Variants in TASP1 observed in about 807,000 individuals in gnomAD.
TASP1 encodes the protein taspase 1.
TASP1 carries 16 observed loss-of-function variants against 56.6 expected under a neutral mutation model. The observed-to-expected ratio is 0.28, with a 90% CI of 0.19 to 0.43. The LOEUF is 0.43. Ranked by LOEUF, TASP1 falls within the 20% of genes least tolerant of loss-of-function variation. TASP1 has a pLI of 1.00. For missense variants in TASP1, 393 were observed against 511.6 expected (o/e 0.77, Z 2.24); for synonymous variants, 179 against 184.2 (o/e 0.97, Z 0.23).
At chr20:13,392,790 C>T (rs1356999557) in intron 13 of TASP1, 8 of 616,600 alleles carry the variant, frequency 1.3e-5, no homozygotes, top group South Asian at 4.1e-5. Context: ...CCTTCCTTGA[C>T]CTCAACTACA....
chr20:13,616,266 C>T (rs922261306), intron 4 of TASP1, among the ~76,000 whole-genome samples: 11 of 152,134 alleles, frequency 7.2e-5, no homozygotes, highest in African/African-American at 7.2e-5. Flanking sequence ...AACTACACCA[C>T]GCTACCATAT....
intron 5 of TASP1, among the ~76,000 whole-genome samples, chr20:13,583,411 T>C (rs1039442964): frequency 6.6e-6 from 1 of 152,248 alleles, no homozygotes; most frequent in African/African-American, 2.4e-5. Context: ...CCAAACGTGT[T>C]CTTCTTTGGG....
At chr20:13,152,319 C>T in the TASP1 span, among the ~76,000 whole-genome samples, 1 of 152,152 alleles carries the variant, frequency 6.6e-6, no homozygotes, top group Non-Finnish European at 1.5e-5. Context: ...TAATTATTGT[C>T]GTTATTACTA....
the TASP1 span, among the ~76,000 whole-genome samples, chr20:13,212,800 G>A: frequency 6.6e-6 from 1 of 152,206 alleles, no homozygotes; most frequent in East Asian, 1.9e-4. Context: ...GCTCTTTCAT[G>A]CTTATTCCTC....
chr20:13,161,636 A>G, the TASP1 span, among the ~76,000 whole-genome samples: 3 of 152,210 alleles, frequency 2.0e-5, no homozygotes, highest in African/African-American at 7.2e-5. Context: ...GGAGGGTCAA[A>G]ATGCCCCTCA....
At chr20:13,392,751 T>C (rs193271752) in intron 13 of TASP1, 1 of 586,514 alleles carries the variant, frequency 1.7e-6, no homozygotes, top group African/African-American at 1.9e-5. Flanking sequence ...TTAACTCTGG[T>C]AAAGCAGATG....
chr20:13,391,274 C>A (rs917494424), intron 13 of TASP1, among the ~76,000 whole-genome samples: 1 of 152,168 alleles, frequency 6.6e-6, no homozygotes, highest in Non-Finnish European at 1.5e-5. Flanking sequence ...CTGAGTGTTA[C>A]AACATCACTC....
the TASP1 span, among the ~76,000 whole-genome samples, chr20:13,199,464 T>C: frequency 1.3e-5 from 2 of 152,046 alleles, no homozygotes; most frequent in Non-Finnish European, 2.9e-5. Flanking sequence ...GAGTGAAACA[T>C]GAGACCCACC....
intron 5 of TASP1, among the ~76,000 whole-genome samples, chr20:13,584,923 C>T (rs1431598349): frequency 2.0e-5 from 3 of 152,052 alleles, no homozygotes; most frequent in South Asian, 2.1e-4. Flanking sequence ...AAGAAAACCC[C>T]GTTAATTTGA....
chr20:13,279,927 T>C, the TASP1 span: 2 of 1,600,934 alleles, frequency 1.2e-6, no homozygotes, highest in South Asian at 1.1e-5. Context: ...AATATAAAAT[T>C]GGTGGGAAGA....
At chr20:13,585,568 T>A (rs899186059) in intron 5 of TASP1, among the ~76,000 whole-genome samples, 4 of 151,870 alleles carry the variant, frequency 2.6e-5, no homozygotes, top group East Asian at 1.9e-4. Flanking sequence ...ATCTAAATGG[T>A]CAAAAAGCAT....
chr20:13,229,099 ATCT>A, the TASP1 span, among the ~76,000 whole-genome samples: 3 of 142,484 alleles, frequency 2.1e-5, no homozygotes, highest in Admixed American at 2.1e-4. Context: ...TTCCTTTTTT[ATCT>A]TCCTTTCCTT....
At chr20:13,388,996 A>G (rs559844026), downstream of TASP1, among the ~76,000 whole-genome samples, 4 of 152,292 alleles carry the variant, frequency 2.6e-5, no homozygotes, top group African/African-American at 9.6e-5. Flanking sequence ...GAGCAAGTCT[A>G]TCTTTAGTAT....
chr20:13,343,221 G>A, the TASP1 span, among the ~76,000 whole-genome samples: 1 of 152,180 alleles, frequency 6.6e-6, no homozygotes, highest in Admixed American at 6.5e-5. Flanking sequence ...AATGAGGTCC[G>A]GCAAGAGGCC....
chr20:13,537,287 C>A (rs2045454544), intron 8 of TASP1, among the ~76,000 whole-genome samples: 1 of 152,066 alleles, frequency 6.6e-6, no homozygotes, highest in Non-Finnish European at 1.5e-5. Flanking sequence ...AATAAAGAAT[C>A]CTGTTCCAAA....
the TASP1 span, among the ~76,000 whole-genome samples, chr20:13,187,353 A>G: frequency 6.6e-6 from 1 of 152,074 alleles, no homozygotes; most frequent in African/African-American, 2.4e-5. Context: ...TACAGACACT[A>G]AACCATAGAT....
chr20:13,132,413 G>A, the TASP1 span, among the ~76,000 whole-genome samples: 1 of 152,034 alleles, frequency 6.6e-6, no homozygotes, highest in Non-Finnish European at 1.5e-5. Context: ...CCGACCTCAA[G>A]TAGTCCACCC....
At chr20:13,427,848 ATCATGTACAAAAGTTAATTATCAGCAT>A (rs1423933043) in intron 12 of TASP1, among the ~76,000 whole-genome samples, 1 of 152,236 alleles carries the variant, frequency 6.6e-6, no homozygotes, top group Non-Finnish European at 1.5e-5. Flanking sequence ...TGGAAGCAGG[ATCATGTACAAAAGTTAATTATCAGCAT>A]TATGAACACA....
At chr20:13,409,492 T>C (rs1366105862) in intron 13 of TASP1, among the ~76,000 whole-genome samples, 1 of 152,168 alleles carries the variant, frequency 6.6e-6, no homozygotes, top group Non-Finnish European at 1.5e-5. Flanking sequence ...TCCTGTTTTA[T>C]CTCATATCTC....
Sources: allele counts gnomAD v4.1 joint callset (sites outside exome capture counted in the v4.1 genomes callset), GRCh38; gene constraint gnomAD v4.1.1; transcripts MANE v1.5; gene names NCBI Gene and HGNC (gene_info 2026-07-23, HGNC 2026-07-21).